LPP: variants seen among roughly 807,000 people sequenced by gnomAD.
LPP encodes lipoma-preferred partner.
LPP carries 38 observed loss-of-function variants against 60.4 expected under a neutral mutation model. That is an observed-to-expected ratio of 0.63 (90% CI 0.49 to 0.83). The LOEUF is 0.83. Ranked by LOEUF, LPP falls within the 40% of genes least tolerant of loss-of-function variation. The probability of loss-of-function intolerance (pLI) is 0.00; values close to 1 mark genes in which losing one functional copy is unlikely to be tolerated. For synonymous variants in LPP, 328 were observed against 290.8 expected, an observed-to-expected ratio of 1.13 and a Z score of -1.30; for missense variants, 902 against 783.6, an observed-to-expected ratio of 1.15 and a Z score of -1.80.
chr3:188,757,646 G>C (rs1730700801), intron 8 of LPP, among the ~76,000 whole-genome samples: 2 of 152,112 alleles, frequency 1.3e-5, no homozygotes, highest in South Asian at 4.1e-4. Context: ...CTAGAAAAGG[G>C]AAGAGTAATA....
In LPP at chr3:188,524,903, C is replaced by A. The variant is rs1195729748; in HGVS notation, c.429+116C>A. 3 of 211,574 alleles carry A rather than the reference C, an allele frequency of 1.4e-5. No individual in the cohort carries two copies. The South Asian group carries it at 2.9e-4, about 20-fold the overall frequency. 13.1% of individuals were successfully genotyped at this position (211,574 alleles called of 1,614,324 possible). A position where few individuals can be genotyped will look rare whatever the true frequency, so the allele number is the denominator to read the frequency against. On this transcript the variant is annotated intron_variant, in intron 6 of 11. Coordinates refer to ENST00000617246, the MANE Select transcript of LPP (RefSeq NM_001375462.1). ...CCCTTCCTTCCTTCCGTCCGTCCTT[C>A]CTTCCTTCCTTCCTTCCTTCCTTCC...
chr3:188,638,242 A>T lies in LPP; in HGVS notation c.1113+28398A>T, dbSNP rs1445055165. 2.2e-3 allele frequency among the ~76,000 whole-genome samples: 324 copies of T among 145,628 alleles called. 9 individuals are homozygous for T. The highest frequency in any genetic ancestry group is 0.013 in the Admixed American group (193 of 14,384). On this transcript the variant is annotated intron_variant, in intron 7 of 11. Coordinates refer to ENST00000617246, the MANE Select transcript of LPP (RefSeq NM_001375462.1). The stretch of plus-strand genomic sequence containing the variant: ...AATCAATAAATGTAATCCAGCATAT[A>T]AACAGAGCCAAAGACAAAAACCACA...
At chr3:188,794,385 T>C (rs1744716599) in intron 9 of LPP, among the ~76,000 whole-genome samples, 1 of 152,242 alleles carries the variant, frequency 6.6e-6, no homozygotes, top group African/African-American at 2.4e-5. Flanking sequence ...TCCCAAAGTA[T>C]CACCAGCATA....
chr3:188,839,747 G>C (rs1188575149), intron 9 of LPP, among the ~76,000 whole-genome samples: 1 of 152,014 alleles, frequency 6.6e-6, no homozygotes, highest in African/African-American at 2.4e-5. Flanking sequence ...GCATGGTGGT[G>C]GGCGCCTGTA....
intron 6 of LPP, among the ~76,000 whole-genome samples, chr3:188,576,134 G>C (rs534662729): frequency 1.3e-5 from 2 of 152,158 alleles, no homozygotes; most frequent in Non-Finnish European, 2.9e-5. Flanking sequence ...TTTAAATCCA[G>C]ACTTGATTCA....
At chr3:188,274,539 C>T (rs577018274) in intron 2 of LPP, among the ~76,000 whole-genome samples, 2 of 152,240 alleles carry the variant, frequency 1.3e-5, no homozygotes, top group Admixed American at 6.5e-5. Context: ...AACTTGTCCA[C>T]CCCATTGGGA....
chr3:188,259,649 G>C (rs1348979293), intron 2 of LPP, among the ~76,000 whole-genome samples: 1 of 152,200 alleles, frequency 6.6e-6, no homozygotes. Context: ...ATCTACTGCT[G>C]TGCCAAGAAT....
intron 9 of LPP, among the ~76,000 whole-genome samples, chr3:188,790,901 C>T (rs1743492594): frequency 6.7e-6 from 1 of 150,032 alleles, no homozygotes; most frequent in African/African-American, 2.5e-5. Context: ...CACTGCTTTG[C>T]CCAACTTAAT....
chr3:188,772,893 G>A (rs918721001), intron 9 of LPP, among the ~76,000 whole-genome samples: 4 of 152,006 alleles, frequency 2.6e-5, no homozygotes, highest in African/African-American at 4.8e-5. Context: ...TTGCCCCTTC[G>A]TGCACCTAGG....
At chr3:188,500,353 CT>C (rs993683536) in intron 5 of LPP, among the ~76,000 whole-genome samples, 5 of 152,070 alleles carry the variant, frequency 3.3e-5, no homozygotes, top group Non-Finnish European at 4.4e-5. Context: ...GAGAAGATAA[CT>C]TTTTTTCCAT....
intron 6 of LPP, chr3:188,553,621 GTGTT>G (rs1560555785): frequency 2.6e-5 from 4 of 152,186 alleles, no homozygotes; most frequent in Admixed American, 6.5e-5. Flanking sequence ...GTTAACTTGT[GTGTT>G]TGTTCAAGAA....
intron 2 of LPP, among the ~76,000 whole-genome samples, chr3:188,260,845 C>A (rs1359674604): frequency 6.6e-6 from 1 of 151,964 alleles, no homozygotes; most frequent in Non-Finnish European, 1.5e-5. Context: ...GCAGCCTGAC[C>A]AACTTGGTGA....
intron 2 of LPP, chr3:188,247,245 C>T: frequency 4.7e-6 from 4 of 855,958 alleles, no homozygotes; most frequent in Non-Finnish European, 5.6e-6. Context: ...GTCTTAGTTG[C>T]AGGGCACTTT....
intron 11 of LPP, among the ~76,000 whole-genome samples, chr3:188,873,108 C>T (rs1477315449): frequency 6.6e-6 from 1 of 152,140 alleles, no homozygotes; most frequent in Non-Finnish European, 1.5e-5. Flanking sequence ...AACTTTGGCT[C>T]TGAGGCTTTG....
In LPP at chr3:188,827,188, A is replaced by T. The variant is rs552121525; in HGVS notation, c.1411-39012A>T. Reference sequence around the variant, plus strand: ...AGGTCATCTTCATTTTCAAATGGGGAATCTAAGATTTAGATAGGACCATTC... The same window carrying T: ...AGGTCATCTTCATTTTCAAATGGGGTATCTAAGATTTAGATAGGACCATTC... On this transcript the variant is annotated intron_variant, in intron 9 of 11. Coordinates refer to ENST00000617246, the MANE Select transcript of LPP (RefSeq NM_001375462.1). 5.3e-5 allele frequency among the ~76,000 whole-genome samples: 8 copies of T among 152,308 alleles called. No individual in the cohort carries two copies. The South Asian group carries it at 1.7e-3, about 32-fold the overall frequency.
chr3:188,540,788 A>G (rs1460489066), intron 6 of LPP, among the ~76,000 whole-genome samples: 2 of 152,228 alleles, frequency 1.3e-5, no homozygotes, highest in East Asian at 3.8e-4. Context: ...CTGCTTTTAT[A>G]TAAGAAGATT....
chr3:188,577,753 G>GTTCCTTCCTTCCTTCCTTCC (rs1234083202), intron 6 of LPP, among the ~76,000 whole-genome samples: 3 of 98,022 alleles, frequency 3.1e-5, no homozygotes, highest in African/African-American at 3.3e-5. Flanking sequence ...TTGTTCCTTC[G>GTTCCTTCCTTCCTTCCTTCC]TTCCTTCGTT....
chr3:188,665,393 G>T (rs549902728), intron 7 of LPP, among the ~76,000 whole-genome samples: 1 of 150,856 alleles, frequency 6.6e-6, no homozygotes, highest in South Asian at 2.1e-4. Context: ...TGTCTGAGTA[G>T]TTGTTTTATT....
At position 188,880,062 on chromosome 3, in the gene LPP, G is replaced by T; in HGVS notation, c.*5583G>T. The stretch of plus-strand genomic sequence containing the variant: ...TTTTTTTTTTTTGAGACGGAGTCTG[G>T]CTCTGTCACCCAGGCTGGAGTGCAA... On this transcript the variant is annotated 3_prime_UTR_variant, in exon 12 of 12. Transcript: ENST00000617246. 6.2e-6 allele frequency: 1 copy of T among 162,038 alleles called. No homozygotes were observed. Among genetic ancestry groups the T allele is most frequent in the East Asian group, 1.2e-4 (1 of 8,364 alleles). 10.0% of individuals were successfully genotyped at this position (162,038 alleles called of 1,614,324 possible).
Sources: allele counts gnomAD v4.1 joint callset (sites outside exome capture counted in the v4.1 genomes callset), GRCh38; gene constraint gnomAD v4.1.1; transcripts MANE v1.5; gene names NCBI Gene and HGNC (gene_info 2026-07-23, HGNC 2026-07-21).